The following APLF variants were observed in gnomAD, a reference collection of about 807,000 sequenced individuals.
APLF encodes the protein aprataxin and PNKP like factor, also known as aprataxin and PNK-like factor.
A neutral mutation model predicts 55.6 loss-of-function variants in APLF; 61 were observed. The ratio of observed to expected loss-of-function variants is 1.10; its 90% confidence interval spans 0.89 to 1.36. APLF has a LOEUF of 1.36. Ranked by LOEUF, APLF falls within the 40% of genes most tolerant of loss-of-function variation. APLF has a pLI of 0.00. For synonymous variants in APLF, 207 were observed against 214.8 expected, an observed-to-expected ratio of 0.96 and a Z score of 0.32; for missense variants, 611 against 602.5, an observed-to-expected ratio of 1.01 and a Z score of -0.15.
intron 5 of APLF, among the ~76,000 whole-genome samples, chr2:68,517,025 A>G (rs1040603466): frequency 9.5e-6 from 1 of 104,764 alleles, no homozygotes; most frequent in African/African-American, 4.0e-5. Context: ...ATAATAATAT[A>G]TTAATATATA....
intron 6 of APLF, among the ~76,000 whole-genome samples, chr2:68,537,221 G>A (rs143076958): frequency 0.014 from 2,100 of 151,478 alleles, 41 homozygotes; most frequent in African/African-American, 0.047. Context: ...ATGACTCATT[G>A]TTGAACAGTG....
At chr2:68,490,294 T>G (rs1477948886) in intron 2 of APLF, 33 bp downstream of exon 2, 1 of 1,583,386 alleles carries the variant, frequency 6.3e-7, no homozygotes, top group Non-Finnish European at 8.6e-7. Flanking sequence ...ATTTTAACTT[T>G]CATCTCTTAC....
intron 1 of APLF, among the ~76,000 whole-genome samples, chr2:68,482,581 G>A (rs1188780553): frequency 6.6e-6 from 1 of 152,132 alleles, no homozygotes; most frequent in African/African-American, 2.4e-5. Context: ...AGACCTCAGG[G>A]ACTGGCTCTC....
intron 1 of APLF, among the ~76,000 whole-genome samples, chr2:68,469,845 GAT>G (rs1364742909): frequency 1.3e-5 from 2 of 152,198 alleles, no homozygotes; most frequent in African/African-American, 4.8e-5. Context: ...AAATAAGGAT[GAT>G]TTTGAACTTT....
chr2:68,573,787 C>T (rs11893240), intron 9 of APLF, among the ~76,000 whole-genome samples: 11,583 of 151,852 alleles, frequency 0.076, 1,277 homozygotes, highest in African/African-American at 0.24. Context: ...TCCTCTTTCT[C>T]TTAAACTGTG....
At chr2:68,475,637 T>G (rs1675747087) in intron 1 of APLF, among the ~76,000 whole-genome samples, 1 of 152,194 alleles carries the variant, frequency 6.6e-6, no homozygotes, top group South Asian at 2.1e-4. Flanking sequence ...TTGCCCCTTC[T>G]TAACATCAGA....
intron 5 of APLF, among the ~76,000 whole-genome samples, chr2:68,518,180 TATC>T (rs1006386083): frequency 1.6e-5 from 2 of 123,634 alleles, no homozygotes; most frequent in Non-Finnish European, 3.2e-5. Flanking sequence ...TATAATATAT[TATC>T]AATATATATT....
chr2:68,574,295 A>AT (rs1671562956), intron 9 of APLF, among the ~76,000 whole-genome samples: 1 of 152,184 alleles, frequency 6.6e-6, no homozygotes, highest in African/African-American at 2.4e-5. Context: ...AAGGAAAGTC[A>AT]TCTAGGTAGC....
intron 5 of APLF, among the ~76,000 whole-genome samples, chr2:68,514,868 C>T (rs1457492789): frequency 6.6e-6 from 1 of 151,806 alleles, no homozygotes; most frequent in South Asian, 2.1e-4. Flanking sequence ...CCAGTGCCTA[C>T]AGATAGTTTG....
chr2:68,479,206 A>G (rs542822280), intron 1 of APLF, among the ~76,000 whole-genome samples: 15 of 152,342 alleles, frequency 9.8e-5, no homozygotes, highest in African/African-American at 3.4e-4. Flanking sequence ...TGTCAGTGTT[A>G]TGGAAGAGAA....
At chr2:68,557,545 G>A (rs1406780448) in intron 8 of APLF, among the ~76,000 whole-genome samples, 6 of 152,190 alleles carry the variant, frequency 3.9e-5, no homozygotes, top group Non-Finnish European at 8.8e-5. Flanking sequence ...TTCATAAGGA[G>A]ACCTCTAGTT....
At chr2:68,527,895 C>G (rs1220229701) in intron 6 of APLF, among the ~76,000 whole-genome samples, 2 of 142,490 alleles carry the variant, frequency 1.4e-5, no homozygotes, top group Non-Finnish European at 3.0e-5. Context: ...ACTTCCCAGA[C>G]AGGGTGGCGG....
At position 68,518,566 on chromosome 2, in the gene APLF, A is replaced by T. The variant is rs1378345024; in HGVS notation, c.622+4886A>T. On this transcript the variant is annotated intron_variant, in intron 5 of 9. Coordinates refer to ENST00000303795, the MANE Select transcript of APLF (RefSeq NM_173545.3). ...ATAATATATCAATAATGTATCATGA[A>T]TATATAATATATCAATAATATATCA... is the stretch of plus-strand genomic sequence containing the variant. Among the ~76,000 whole-genome samples the T allele has an allele frequency of 6.6e-5, 8 of 120,946 alleles. No homozygotes were observed. The South Asian group carries it at 1.9e-3, about 29-fold the overall frequency. The allele number at this position is 120,946 out of a possible 152,430, so 79.3% of individuals were successfully genotyped here.
chr2:68,518,526 A>T (rs1232937250), intron 5 of APLF, among the ~76,000 whole-genome samples: 1 of 117,162 alleles, frequency 8.5e-6, no homozygotes, highest in Non-Finnish European at 1.6e-5. Context: ...TTATTATATT[A>T]TATATTAATA....
At chr2:68,502,929 A>G in intron 3 of APLF, 26 bp downstream of exon 3, 1 of 1,581,414 alleles carries the variant, frequency 6.3e-7, no homozygotes, top group Non-Finnish European at 8.6e-7. Flanking sequence ...AATGAGAGTA[A>G]GAATGTTATT....
intron 2 of APLF, among the ~76,000 whole-genome samples, chr2:68,493,529 C>G (rs889495253): frequency 7.9e-5 from 12 of 152,118 alleles, no homozygotes; most frequent in African/African-American, 2.7e-4. Context: ...AAATAAGAAA[C>G]TTCGTTTATC....
At chr2:68,485,580 A>T (rs1207540440) in intron 1 of APLF, among the ~76,000 whole-genome samples, 1 of 151,918 alleles carries the variant, frequency 6.6e-6, no homozygotes, top group African/African-American at 2.4e-5. Context: ...TTCCCAACAG[A>T]CCTTTTTCTT....
intron 7 of APLF, among the ~76,000 whole-genome samples, chr2:68,540,883 AGACTTACAT>A (rs1431136960): frequency 2.0e-5 from 3 of 152,308 alleles, no homozygotes; most frequent in African/African-American, 7.2e-5. Context: ...CAAACTTGAA[AGACTTACAT>A]GACCAGATAG....
At chr2:68,471,160 CAT>C (rs1363496406) in intron 1 of APLF, among the ~76,000 whole-genome samples, 3 of 152,182 alleles carry the variant, frequency 2.0e-5, no homozygotes, top group African/African-American at 7.2e-5. Flanking sequence ...CTCAGCCTCT[CAT>C]TCACTCTACC....
Sources: allele counts gnomAD v4.1 joint callset (sites outside exome capture counted in the v4.1 genomes callset), GRCh38; gene constraint gnomAD v4.1.1; transcripts MANE v1.5; gene names NCBI Gene and HGNC (gene_info 2026-07-23, HGNC 2026-07-21).